Variants in TLL1 observed in about 807,000 individuals in gnomAD.
TLL1 encodes tolloid like 1.
In TLL1, 49 loss-of-function variants were observed where a neutral mutation model predicts 128.2. The ratio of observed to expected loss-of-function variants is 0.38; its 90% CI spans 0.30 to 0.48. The LOEUF (loss-of-function observed/expected upper bound fraction) is 0.48, where lower values mean the gene tolerates loss of function less well. TLL1 is among the 20% of genes least tolerant of loss of function. The pLI is 0.96. For synonymous variants in TLL1, 454 were observed against 418.8 expected (o/e 1.08, Z -1.03); for missense variants, 1,123 against 1,242.0 (o/e 0.90, Z 1.44).
At chr4:165,968,077 T>C (rs1735471909) in intron 1 of TLL1, among the ~76,000 whole-genome samples, 1 of 152,180 alleles carries the variant, frequency 6.6e-6, no homozygotes, top group South Asian at 2.1e-4. Context: ...GAAAAATAAG[T>C]GCACATACAG....
At chr4:165,944,409 A>G (rs889431397) in intron 1 of TLL1, among the ~76,000 whole-genome samples, 1 of 152,190 alleles carries the variant, frequency 6.6e-6, no homozygotes, top group Non-Finnish European at 1.5e-5. Flanking sequence ...TTCCTGAGGC[A>G]GGAAGAAGCG....
chr4:166,065,958 A>G, intron 16 of TLL1, 95 bp downstream of exon 16: 1 of 761,522 alleles, frequency 1.3e-6, no homozygotes. Context: ...TTTTCTGTAA[A>G]TGCAACTTGA....
chr4:165,876,958 A>G (rs1297122651), intron 1 of TLL1, among the ~76,000 whole-genome samples: 1 of 152,252 alleles, frequency 6.6e-6, no homozygotes, highest in African/African-American at 2.4e-5. Context: ...AATGTTTATC[A>G]CAGGAATGGA....
intron 1 of TLL1, among the ~76,000 whole-genome samples, chr4:165,893,801 T>C (rs1041665041): frequency 4.6e-5 from 7 of 152,070 alleles, no homozygotes; most frequent in Non-Finnish European, 8.8e-5. Context: ...AATGAGGAGA[T>C]CTTAACCCTA....
At chr4:165,932,836 A>G (rs1379452683) in intron 1 of TLL1, among the ~76,000 whole-genome samples, 3 of 152,116 alleles carry the variant, frequency 2.0e-5, no homozygotes, top group African/African-American at 7.2e-5. Flanking sequence ...AACTTGCTGA[A>G]CTGTGGAATA....
At chr4:165,884,584 C>A (rs887723624) in intron 1 of TLL1, among the ~76,000 whole-genome samples, 45 of 152,116 alleles carry the variant, frequency 3.0e-4, no homozygotes, top group African/African-American at 9.9e-4. Flanking sequence ...GCCTGTAATC[C>A]CAACACTTTG....
At chr4:165,993,040 C>A (rs1392536031) in intron 3 of TLL1, 156 bp downstream of exon 3, 3 of 642,544 alleles carry the variant, frequency 4.7e-6, no homozygotes, top group Non-Finnish European at 8.2e-6. Flanking sequence ...CATATCTGAT[C>A]AAAGCCTTTT....
At chr4:165,906,996 T>C (rs115227013) in intron 1 of TLL1, among the ~76,000 whole-genome samples, 2,636 of 152,308 alleles carry the variant, frequency 0.017, 89 homozygotes, top group African/African-American at 0.061. Context: ...ATTTCAGTAA[T>C]TGTTTGCAAC....
chr4:166,100,468 A>G (rs1742236777), intron 20 of TLL1, among the ~76,000 whole-genome samples: 1 of 152,082 alleles, frequency 6.6e-6, no homozygotes, highest in African/African-American at 2.4e-5. Context: ...CAAGTTCTAG[A>G]GAGAAAAGTG....
intron 1 of TLL1, among the ~76,000 whole-genome samples, chr4:165,945,271 G>T (rs929598665): frequency 6.6e-6 from 1 of 151,586 alleles, no homozygotes; most frequent in Non-Finnish European, 1.5e-5. Flanking sequence ...AGTAGGAGAG[G>T]AGGATCTAAC....
At chr4:165,912,000 C>T (rs1414685088) in intron 1 of TLL1, among the ~76,000 whole-genome samples, 3 of 152,056 alleles carry the variant, frequency 2.0e-5, no homozygotes, top group Non-Finnish European at 4.4e-5. Flanking sequence ...CTCAGCCTCC[C>T]GAGTAGCTGG....
chr4:166,028,653 A>G (rs1738617359), intron 9 of TLL1, among the ~76,000 whole-genome samples: 1 of 151,936 alleles, frequency 6.6e-6, no homozygotes, highest in Admixed American at 6.6e-5. Flanking sequence ...TGTTTATGCT[A>G]TATCATTTTA....
intron 5 of TLL1, among the ~76,000 whole-genome samples, chr4:165,998,516 G>C (rs1178042205): frequency 7.2e-5 from 11 of 151,998 alleles, no homozygotes; most frequent in Admixed American, 7.2e-4. Context: ...CTTTTGAGCC[G>C]GACGCGGTGG....
chr4:165,969,729 C>T (rs567210644), intron 1 of TLL1, among the ~76,000 whole-genome samples: 1 of 152,230 alleles, frequency 6.6e-6, no homozygotes, highest in African/African-American at 2.4e-5. Context: ...TTCTTGATGT[C>T]ATGAAAATAG....
chr4:166,006,335 G>A (rs1410023698), intron 6 of TLL1, among the ~76,000 whole-genome samples: 1 of 151,754 alleles, frequency 6.6e-6, no homozygotes, highest in Admixed American at 6.6e-5. Context: ...TATTTGGGCT[G>A]TGTATGGCTA....
chr4:166,044,043 G>A (rs1739354117), intron 12 of TLL1, among the ~76,000 whole-genome samples: 1 of 152,082 alleles, frequency 6.6e-6, no homozygotes, highest in Non-Finnish European at 1.5e-5. Context: ...TGGGTTGAAA[G>A]GGACTGAGTT....
intron 9 of TLL1, among the ~76,000 whole-genome samples, chr4:166,031,854 T>C (rs1490410481): frequency 6.6e-6 from 1 of 152,110 alleles, no homozygotes; most frequent in Non-Finnish European, 1.5e-5. Context: ...TTTTTAAAAA[T>C]ACAATAAATA....
At chr4:165,914,727 A>G (rs913375336) in intron 1 of TLL1, among the ~76,000 whole-genome samples, 10 of 152,190 alleles carry the variant, frequency 6.6e-5, no homozygotes, top group African/African-American at 1.9e-4. Context: ...CCTTGTCACA[A>G]CTGAGGACCC....
chr4:166,058,443 G>T (rs958663028), intron 14 of TLL1, among the ~76,000 whole-genome samples: 5 of 152,104 alleles, frequency 3.3e-5, no homozygotes, highest in East Asian at 1.9e-4. Context: ...ATCAATAAAA[G>T]ATTGATTTTT....
Sources: allele counts gnomAD v4.1 joint callset (sites outside exome capture counted in the v4.1 genomes callset), GRCh38; gene constraint gnomAD v4.1.1; transcripts MANE v1.5; gene names NCBI Gene and HGNC (gene_info 2026-07-23, HGNC 2026-07-21).